The following PDE4B variants were observed in gnomAD, a reference collection of about 807,000 sequenced individuals.
PDE4B encodes the protein phosphodiesterase 4B, also known as 3',5'-cyclic-AMP phosphodiesterase 4B.
Under a neutral mutation model 82.2 loss-of-function variants are expected in PDE4B, and 20 were observed. The observed-to-expected ratio is 0.24, with a 90% CI of 0.17 to 0.35. PDE4B has a LOEUF of 0.35. Among genes scored for constraint, PDE4B ranks in the 10% least tolerant of loss-of-function variants. The probability of loss-of-function intolerance (pLI) is 1.00; values close to 1 mark genes in which losing one functional copy is unlikely to be tolerated. For missense variants in PDE4B, 655 were observed against 907.2 expected, an observed-to-expected ratio of 0.72 and a Z score of 3.57; for synonymous variants, 320 against 318.9, an observed-to-expected ratio of 1.00 and a Z score of -0.04.
At chr1:66,355,712 G>A in intron 9 of PDE4B, 92 bp downstream of exon 9, 1 of 661,994 alleles carries the variant, frequency 1.5e-6, no homozygotes, top group Non-Finnish European at 2.6e-6. Context: ...TGTGAATTTG[G>A]GATGGAGTTG....
At chr1:65,955,324 C>T (rs765640528) in intron 3 of PDE4B, among the ~76,000 whole-genome samples, 2 of 152,026 alleles carry the variant, frequency 1.3e-5, no homozygotes, top group Admixed American at 1.3e-4. Flanking sequence ...TTCCCTAGGG[C>T]GTGGACAGTT....
At chr1:65,964,214 A>T (rs1169233688) in intron 3 of PDE4B, among the ~76,000 whole-genome samples, 1 of 152,172 alleles carries the variant, frequency 6.6e-6, no homozygotes, top group Non-Finnish European at 1.5e-5. Flanking sequence ...GTGAAATGAG[A>T]ATTCTATGCT....
At chr1:65,963,555 G>T (rs889567848) in intron 3 of PDE4B, among the ~76,000 whole-genome samples, 3 of 152,188 alleles carry the variant, frequency 2.0e-5, no homozygotes, top group Non-Finnish European at 2.9e-5. Context: ...TGAGACCTGG[G>T]TTCTGACATT....
intron 3 of PDE4B, among the ~76,000 whole-genome samples, chr1:66,054,095 C>A (rs564624004): frequency 6.6e-6 from 1 of 152,194 alleles, no homozygotes; most frequent in South Asian, 2.1e-4. Context: ...GCGGTGGATC[C>A]AGGGTTTGAA....
intron 8 of PDE4B, among the ~76,000 whole-genome samples, chr1:66,334,636 G>A (rs1440068604): frequency 1.3e-5 from 2 of 152,250 alleles, no homozygotes; most frequent in Non-Finnish European, 2.9e-5. Context: ...TAGTTCTACA[G>A]TGGAAAGGTT....
At chr1:66,025,669 G>A (rs941957235) in intron 3 of PDE4B, among the ~76,000 whole-genome samples, 5 of 152,076 alleles carry the variant, frequency 3.3e-5, no homozygotes, top group Admixed American at 2.0e-4. Context: ...TCTGTGTATG[G>A]TGTCACCATT....
intron 3 of PDE4B, among the ~76,000 whole-genome samples, chr1:66,003,508 G>C (rs1651983126): frequency 6.6e-6 from 1 of 152,154 alleles, no homozygotes; most frequent in Admixed American, 6.6e-5. Flanking sequence ...CATATTAAAA[G>C]CCAATATAGG....
Position 65,830,220 on chromosome 1 carries a change from T to G in PDE4B, c.-71+36972T>G, listed in dbSNP as rs6665675. ...AACACAAGTATAAAATAAATACACGTGCATCTACATTGATATAAACAAATG... is the reference window on the plus strand; with the variant it reads ...AACACAAGTATAAAATAAATACACGGGCATCTACATTGATATAAACAAATG... On this transcript the variant is annotated intron_variant, in intron 1 of 16. Coordinates refer to ENST00000341517, the MANE Select transcript of PDE4B (RefSeq NM_002600.4). 3.3e-5 allele frequency among the ~76,000 whole-genome samples: 5 copies of G among 152,166 alleles called. No homozygotes were observed. The South Asian group carries it at 1.0e-3, about 32-fold the overall frequency.
intron 3 of PDE4B, among the ~76,000 whole-genome samples, chr1:66,171,734 C>T (rs1044897209): frequency 6.6e-6 from 1 of 152,092 alleles, no homozygotes; most frequent in Admixed American, 6.6e-5. Flanking sequence ...GTTTATAATG[C>T]TTCCCTTGAA....
Position 65,839,490 on chromosome 1 carries a change from A to G in PDE4B, c.-71+46242A>G, listed in dbSNP as rs184097907. On this transcript the variant is annotated intron_variant, in intron 1 of 16. Transcript: ENST00000341517. ...TGTGTCCATGTGTTCTCATTGTTCA[A>G]CTCCCACTTATGAGTGAGAACATGC... Among the ~76,000 whole-genome samples, 141 of 151,000 alleles carry G rather than the reference A, an allele frequency of 9.3e-4. 1 individual carries two copies. The highest frequency in any genetic ancestry group is 3.4e-3 in the Middle Eastern group (1 of 292).
chr1:66,361,629 G>A lies in PDE4B; in HGVS notation c.856G>A (p.Val286Met), dbSNP rs536471444. ...SNTFLDKQND[V>M]EIPSPTQKDR... ...GTCTGTTGCAGACAAGCAGAATGAT[G>A]TGGAGATCCCATCTCCTACCCAGAA... is the stretch of plus-strand genomic sequence containing the variant. Residue 286 changes from valine to methionine, a missense_variant, in exon 10 of 17, where the codon GTG becomes ATG. Physicochemically the swap from Val to Met is conservative, Grantham distance 21. Around this residue, in one of 3 missense-constraint regions of PDE4B, gnomAD observed 283 missense variants for 516.4 expected, o/e 0.55. Coordinates refer to ENST00000341517, the MANE Select transcript of PDE4B (RefSeq NM_002600.4). The A allele has an allele frequency of 2.5e-6, 4 of 1,612,602 alleles. No individual in the cohort carries two copies. The African/African-American group carries it at 4.0e-5, about 16-fold the overall frequency.
At chr1:66,279,714 CT>C (rs1656155857) in intron 7 of PDE4B, among the ~76,000 whole-genome samples, 1 of 152,124 alleles carries the variant, frequency 6.6e-6, no homozygotes, top group African/African-American at 2.4e-5. Flanking sequence ...AAGAATTTGG[CT>C]CATGAAATTA....
At chr1:65,923,477 C>T (rs1383387048) in intron 3 of PDE4B, among the ~76,000 whole-genome samples, 1 of 152,166 alleles carries the variant, frequency 6.6e-6, no homozygotes, top group Non-Finnish European at 1.5e-5. Context: ...CCACACAATA[C>T]ATTAGCATTA....
intron 3 of PDE4B, among the ~76,000 whole-genome samples, chr1:66,112,436 GAATT>G (rs1645508834): frequency 1.3e-5 from 2 of 152,122 alleles, no homozygotes; most frequent in African/African-American, 4.8e-5. Flanking sequence ...AATGACCATT[GAATT>G]AATTAGTTAA....
intron 1 of PDE4B, among the ~76,000 whole-genome samples, chr1:65,797,711 A>G (rs1645647222): frequency 6.6e-6 from 1 of 152,164 alleles, no homozygotes; most frequent in South Asian, 2.1e-4. Flanking sequence ...TTGTGGCAGG[A>G]TTCCTGGTGC....
At chr1:66,185,361 T>C (rs550899363) in intron 3 of PDE4B, among the ~76,000 whole-genome samples, 61 of 152,230 alleles carry the variant, frequency 4.0e-4, no homozygotes, top group Non-Finnish European at 7.3e-4. Flanking sequence ...TACCCAGTAA[T>C]GGGATTGCTG....
intron 3 of PDE4B, chr1:66,094,639 T>C (rs1231505533): frequency 6.6e-6 from 1 of 151,994 alleles, no homozygotes; most frequent in African/African-American, 2.4e-5. Flanking sequence ...ACAAACTGGG[T>C]TAATTTCATA....
chr1:66,345,966 T>C (rs774877781), intron 8 of PDE4B, among the ~76,000 whole-genome samples: 22 of 152,208 alleles, frequency 1.4e-4, no homozygotes, highest in Non-Finnish European at 2.9e-4. Flanking sequence ...TTTGTTCGGT[T>C]GGCTTTTGGT....
In PDE4B at chr1:66,290,885, A is replaced by G. The variant is rs147605373; in HGVS notation, c.634+24798A>G. On this transcript the variant is annotated intron_variant, in intron 7 of 16. Coordinates refer to ENST00000341517, the MANE Select transcript of PDE4B (RefSeq NM_002600.4). Reference sequence around the variant, plus strand: ...TATCTAGAGTGAACTACAACCACTCATCAGAAGGATGAAGAAATTGATGGC... The same window carrying G: ...TATCTAGAGTGAACTACAACCACTCGTCAGAAGGATGAAGAAATTGATGGC... 1.2e-3 allele frequency among the ~76,000 whole-genome samples: 176 copies of G among 152,292 alleles called. 2 individuals carry two copies. The highest frequency in any genetic ancestry group is 3.9e-3 in the African/African-American group (164 of 41,558).
Sources: allele counts gnomAD v4.1 joint callset (sites outside exome capture counted in the v4.1 genomes callset), GRCh38; gene constraint gnomAD v4.1.1; regional missense constraint gnomAD v4.1.1; transcripts MANE v1.5; gene names NCBI Gene and HGNC (gene_info 2026-07-23, HGNC 2026-07-21).